Variants in TMTC2 observed in about 807,000 individuals in gnomAD.
TMTC2 encodes protein O-mannosyl-transferase TMTC2.
In TMTC2, 43 loss-of-function variants were observed where a neutral mutation model predicts 82.4. The observed-to-expected ratio is 0.52, with a 90% CI of 0.41 to 0.67. The LOEUF is 0.67. TMTC2 is among the 30% of genes least tolerant of loss of function. TMTC2 has a pLI of 0.00. For missense variants in TMTC2, 919 were observed against 1,012.4 expected (o/e 0.91, Z 1.25); for synonymous variants, 408 against 381.9 (o/e 1.07, Z -0.80).
intron 1 of TMTC2, among the ~76,000 whole-genome samples, chr12:82,752,108 A>G (rs998710760): frequency 3.3e-5 from 5 of 149,962 alleles, no homozygotes; most frequent in Non-Finnish European, 7.4e-5. Flanking sequence ...CCTCTCCCCC[A>G]TAGACTGTCA....
At chr12:82,912,996 T>C (rs991675178) in intron 3 of TMTC2, among the ~76,000 whole-genome samples, 10 of 149,526 alleles carry the variant, frequency 6.7e-5, no homozygotes, top group Non-Finnish European at 3.0e-5. Context: ...ATATTTACAA[T>C]AATTTTAAGT....
At chr12:82,980,168 TTCA>T (rs1295121410) in intron 7 of TMTC2, among the ~76,000 whole-genome samples, 7 of 151,794 alleles carry the variant, frequency 4.6e-5, no homozygotes, top group Admixed American at 4.6e-4. Context: ...ATAAACCAAA[TTCA>T]TCAATCAATT....
chr12:83,100,171 C>G (rs1407627349), intron 11 of TMTC2, among the ~76,000 whole-genome samples: 1 of 152,254 alleles, frequency 6.6e-6, no homozygotes, highest in East Asian at 1.9e-4. Context: ...CCACCTGCCT[C>G]TGCTTCCCTA....
Position 82,857,354 on chromosome 12 carries a change from G to T in TMTC2, c.428G>T (p.Gly143Val), listed in dbSNP as rs1167975090. ...GGAATCGTGGGACGAGCCGATGTCGGGGCCAGTCTCTTCTTTCTCCTCTCC... is the reference window on the plus strand; with the variant it reads ...GGAATCGTGGGACGAGCCGATGTCGTGGCCAGTCTCTTCTTTCTCCTCTCC... ...VAGIVGRADV[G>V]ASLFFLLSLL... Residue 143 changes from glycine (G) to valine (V), a missense_variant, in exon 2 of 12, where the codon GGG (glycine) becomes GTG (valine). Transcript: ENST00000321196. 1 of 1,614,106 alleles carries T rather than the reference G, an allele frequency of 6.2e-7. No homozygotes were observed. The highest frequency in any genetic ancestry group is 1.7e-5 in the Admixed American group (1 of 60,028).
intron 1 of TMTC2, among the ~76,000 whole-genome samples, chr12:82,756,708 A>G (rs1040864980): frequency 6.6e-6 from 1 of 152,140 alleles, no homozygotes; most frequent in African/African-American, 2.4e-5. Context: ...GTGGATTTTG[A>G]TAGTATTTAT....
rs138831174 is a variant in TMTC2 at position 82,746,892 on chromosome 12, G to T, written c.83+59223G>T. Among the ~76,000 whole-genome samples, 951 of 152,340 alleles carry T rather than the reference G, an allele frequency of 6.2e-3. 9 individuals are homozygous for T. The highest frequency in any genetic ancestry group is 0.01 in the Middle Eastern group (3 of 294). ...AGAAGCTGACAGTGGCTCCTGGATG[G>T]CAGCCAGTAAGGAAATAAGGACATC... On this transcript the variant is annotated intron_variant, in intron 1 of 11. Transcript: ENST00000321196.
At chr12:82,958,940 C>T (rs1877766483) in intron 4 of TMTC2, among the ~76,000 whole-genome samples, 1 of 152,030 alleles carries the variant, frequency 6.6e-6, no homozygotes, top group Non-Finnish European at 1.5e-5. Flanking sequence ...AAGACTCTGC[C>T]AAAAGGCTAC....
chr12:82,896,721 A>ATACTGTGTTTT, intron 3 of TMTC2, 75 bp downstream of exon 3: 2 of 1,216,854 alleles, frequency 1.6e-6, no homozygotes, highest in Non-Finnish European at 2.3e-6. Flanking sequence ...TCTTGTCTTA[A>ATACTGTGTTTT]AACACAGTAT....
At chr12:82,869,337 G>A (rs1872045450) in intron 2 of TMTC2, among the ~76,000 whole-genome samples, 2 of 152,086 alleles carry the variant, frequency 1.3e-5, no homozygotes, top group African/African-American at 4.8e-5. Context: ...GAGAATTTCT[G>A]GAGGTGGCAG....
chr12:82,955,403 T>C (rs1877562872), intron 4 of TMTC2, among the ~76,000 whole-genome samples: 1 of 152,210 alleles, frequency 6.6e-6, no homozygotes, highest in African/African-American at 2.4e-5. Context: ...TCCAATCCAC[T>C]GTTATTGTGG....
At chr12:83,053,490 A>G (rs1882427016) in intron 10 of TMTC2, among the ~76,000 whole-genome samples, 1 of 152,108 alleles carries the variant, frequency 6.6e-6, no homozygotes, top group Non-Finnish European at 1.5e-5. Flanking sequence ...AATGACCAAA[A>G]GAATCTATAA....
intron 1 of TMTC2, among the ~76,000 whole-genome samples, chr12:82,695,373 T>C (rs569797214): frequency 2.0e-5 from 3 of 152,322 alleles, no homozygotes; most frequent in African/African-American, 7.2e-5. Flanking sequence ...TGCAAACTAT[T>C]CTCTTGCTTT....
At chr12:83,075,264 A>G (rs982836663) in intron 11 of TMTC2, among the ~76,000 whole-genome samples, 3 of 152,030 alleles carry the variant, frequency 2.0e-5, no homozygotes, top group South Asian at 4.2e-4. Context: ...ACTTCCTTCA[A>G]AGGGTCTGTG....
At position 83,008,346 on chromosome 12, in the gene TMTC2, C is replaced by G. The variant is rs75532401; in HGVS notation, c.2070+22300C>G. On this transcript the variant is annotated intron_variant, in intron 8 of 11. Coordinates refer to ENST00000321196, the MANE Select transcript of TMTC2 (RefSeq NM_152588.3). ...TGTCACATATATTGAAATTTTTGCA[C>G]AGTTCTTTGATATTCTGTACTTTTC... Among the ~76,000 whole-genome samples the G allele has an allele frequency of 3.4e-4, 51 of 152,202 alleles. No homozygotes were observed. The East Asian group carries it at 9.3e-3, about 28-fold the overall frequency.
chr12:82,924,122 C>G (rs921412095), intron 3 of TMTC2, among the ~76,000 whole-genome samples: 1 of 152,186 alleles, frequency 6.6e-6, no homozygotes, highest in African/African-American at 2.4e-5. Context: ...TGCCCTTCAG[C>G]CAAAGACCAC....
intron 4 of TMTC2, among the ~76,000 whole-genome samples, chr12:82,955,941 C>T (rs565716834): frequency 6.6e-6 from 1 of 151,878 alleles, no homozygotes; most frequent in African/African-American, 2.4e-5. Flanking sequence ...TTCAATTTCT[C>T]CCCCAAAAGG....
At chr12:82,990,212 A>G (rs868416265) in intron 8 of TMTC2, among the ~76,000 whole-genome samples, 61 of 152,332 alleles carry the variant, frequency 4.0e-4, no homozygotes, top group African/African-American at 1.4e-3. Context: ...GAAAATATGT[A>G]AAAATGAAAT....
rs563279363 is a variant in TMTC2, at chr12:82,850,421, C to T, written c.84-6589C>T. Among the ~76,000 whole-genome samples the T allele has an allele frequency of 6.7e-5, 10 of 150,120 alleles. No homozygotes were observed. The South Asian group carries it at 1.9e-3, about 29-fold the overall frequency. ...AAATGGACAGTTGGAAGTGTAGGCT[C>T]GTGAGCAACCCCCAGGCTAGAGTGG... is the stretch of plus-strand genomic sequence containing the variant. On this transcript the variant is annotated intron_variant, in intron 1 of 11. Coordinates refer to ENST00000321196, the MANE Select transcript of TMTC2 (RefSeq NM_152588.3).
intron 4 of TMTC2, among the ~76,000 whole-genome samples, chr12:82,946,301 G>C (rs140719704): frequency 7.6e-4 from 116 of 152,262 alleles, no homozygotes; most frequent in African/African-American, 2.7e-3. Context: ...ATAGTGCTTA[G>C]CATATGTGTT....
Sources: gnomAD v4.1 joint callset for allele counts (sites outside exome capture counted in the v4.1 genomes callset) on GRCh38, gnomAD v4.1.1 for gene constraint, MANE v1.5 for transcripts, NCBI Gene and HGNC (gene_info 2026-07-23, HGNC 2026-07-21) for gene names.